PLS3: variants seen among roughly 807,000 people sequenced by gnomAD.
PLS3 encodes plastin-3.
In PLS3, 11 loss-of-function variants were observed where a neutral mutation model predicts 46.5. That is an observed-to-expected ratio of 0.24 (90% confidence interval 0.15 to 0.39). The LOEUF is 0.39. Ranked by LOEUF, PLS3 falls within the 10% of genes least tolerant of loss-of-function variation. The pLI is 1.00. For synonymous variants in PLS3, 167 were observed against 162.2 expected, an observed-to-expected ratio of 1.03 and a Z score of -0.22; for missense variants, 308 against 461.8, an observed-to-expected ratio of 0.67 and a Z score of 3.05.
intron 1 of PLS3, among the ~76,000 whole-genome samples, chrX:115,590,260 T>G (rs1556632921): frequency 9.0e-6 from 1 of 111,474 alleles, no homozygotes; most frequent in Non-Finnish European, 1.9e-5. Flanking sequence ...TTTGATGAAT[T>G]TGGGATGCAA....
chrX:115,597,835 A>G (rs1262108583), intron 1 of PLS3, among the ~76,000 whole-genome samples: 1 of 111,636 alleles, frequency 9.0e-6, no homozygotes, highest in Non-Finnish European at 1.9e-5. Flanking sequence ...AATACTGTCA[A>G]TTTTATTTGA....
At chrX:115,581,232 T>C (rs1324594666) in intron 1 of PLS3, among the ~76,000 whole-genome samples, 1 of 111,966 alleles carries the variant, frequency 8.9e-6, no homozygotes, top group Non-Finnish European at 1.9e-5. Flanking sequence ...TTAAGGAAAG[T>C]ATGGTTTACC....
intron 3 of PLS3, chrX:115,624,278 G>A (rs995989870): frequency 2.0e-4 from 20 of 99,585 alleles, no homozygotes; most frequent in African/African-American, 7.1e-4. Flanking sequence ...TAATTATAAT[G>A]ATATCGTTCC....
chrX:115,631,415 G>A (rs782764845), intron 5 of PLS3, among the ~76,000 whole-genome samples: 26 of 109,456 alleles, frequency 2.4e-4, no homozygotes, highest in African/African-American at 8.6e-4. Context: ...TTTGCAGTAG[G>A]GTCATTTTGG....
At chrX:115,596,095 G>A (rs1481023376) in intron 1 of PLS3, among the ~76,000 whole-genome samples, 1 of 111,988 alleles carries the variant, frequency 8.9e-6, no homozygotes, top group Middle Eastern at 4.2e-3. Context: ...AAATTCAAAG[G>A]ACAGGTCACA....
Position 115,594,091 on chromosome X carries a change from C to T in PLS3, c.-8-16152C>T, listed in dbSNP as rs781841451. ...GGTTGAGGTGGCTGTCATGACAGAA[C>T]ATGTCACGATTAGATTGATATTATA... On this transcript the variant is annotated intron_variant, in intron 1 of 15. Coordinates refer to ENST00000355899, the MANE Select transcript of PLS3 (RefSeq NM_005032.7). Among the ~76,000 whole-genome samples, 267 of 111,424 alleles carry T rather than the reference C, an allele frequency of 2.4e-3. 1 individual carries two copies. The highest frequency in any genetic ancestry group is 8.4e-3 in the African/African-American group (258 of 30,687).
At position 115,576,182 on chromosome X, in the gene PLS3, C is replaced by T. The variant is rs1441306204; in HGVS notation, c.-9+14922C>T. Among the ~76,000 whole-genome samples the T allele has an allele frequency of 3.6e-5, 4 of 112,101 alleles. No individual in the cohort carries two copies. The East Asian group carries it at 8.3e-4, about 23-fold the overall frequency. ...TTTTTAAGAAGACATTAGTGTTTTA[C>T]GTTTAGGTATTTTGACAGTAAGTTT... On this transcript the variant is annotated intron_variant, in intron 1 of 15. Transcript: ENST00000355899.
chrX:115,569,258 A>G, intron 1 of PLS3, among the ~76,000 whole-genome samples: 1 of 110,707 alleles, frequency 9.0e-6, no homozygotes, highest in Non-Finnish European at 1.9e-5. Flanking sequence ...GGAACTGTTA[A>G]TGGGGGAAGG....
At chrX:115,649,156 G>T (rs1248183330) in intron 15 of PLS3, among the ~76,000 whole-genome samples, 1 of 111,449 alleles carries the variant, frequency 9.0e-6, no homozygotes, top group African/African-American at 3.3e-5. Context: ...TATAAAGTTG[G>T]TGCTTCAAGC....
chrX:115,620,218 T>G (rs1349442882), intron 2 of PLS3, among the ~76,000 whole-genome samples: 1 of 110,158 alleles, frequency 9.1e-6, no homozygotes, highest in East Asian at 2.9e-4. Flanking sequence ...CCCGACCTTA[T>G]CTCTCATTTT....
At chrX:115,623,116 C>T (rs1288823541) in intron 3 of PLS3, among the ~76,000 whole-genome samples, 1 of 111,512 alleles carries the variant, frequency 9.0e-6, no homozygotes, top group African/African-American at 3.3e-5. Context: ...CCACTATTGG[C>T]TGCTAGCAAG....
intron 1 of PLS3, among the ~76,000 whole-genome samples, chrX:115,585,214 A>G (rs1438344090): frequency 3.6e-5 from 4 of 111,108 alleles, no homozygotes; most frequent in Non-Finnish European, 7.5e-5. Context: ...AGGATATGAA[A>G]AGCATGTTGC....
chrX:115,568,853 G>A (rs782740169), intron 1 of PLS3, among the ~76,000 whole-genome samples: 1 of 111,373 alleles, frequency 9.0e-6, no homozygotes, highest in East Asian at 2.8e-4. Context: ...GGCCAACATG[G>A]CAAAACTCCG....
At position 115,636,879 on chromosome X, in the gene PLS3, T is replaced by C; in HGVS notation, c.792T>C (p.Leu264=). The C allele has an allele frequency of 4.1e-6, 5 of 1,206,773 alleles. No homozygotes were observed. The highest frequency in any genetic ancestry group is 5.6e-6 in the Non-Finnish European group (5 of 891,728). ...GAGATGGTGAGACTTTGGAGGAACTTATGAAATTGTCTCCAGAAGAGCTTC... is the reference window on the plus strand; with the variant it reads ...GAGATGGTGAGACTTTGGAGGAACTCATGAAATTGTCTCCAGAAGAGCTTC... ...LLRDGETLEE[L]MKLSPEELLL... The change falls in exon 8 of 16, where the codon CTT becomes CTC. Residue 264 remains leucine (L), a synonymous_variant. Transcript: ENST00000355899.
intron 2 of PLS3, among the ~76,000 whole-genome samples, chrX:115,616,239 A>G (rs2074597617): frequency 8.9e-6 from 1 of 112,350 alleles, no homozygotes; most frequent in African/African-American, 3.2e-5. Flanking sequence ...AAATAAGGAC[A>G]TAGTCTTATG....
At position 115,622,274 on chromosome X, in the gene PLS3, C is replaced by G; in HGVS notation, c.102C>G (p.Asp34Glu). 1 of 1,198,215 alleles carries G rather than the reference C, an allele frequency of 8.3e-7. No individual in the cohort carries two copies. Among genetic ancestry groups the G allele is most frequent in the Non-Finnish European group, 1.1e-6 (1 of 887,159 alleles). ...TCAACAGCAACGGATTCATTTGTGA[C>G]TATGAACTTCATGAGCTCTTCAAGG... ...VDLNSNGFIC[D>E]YELHELFKEA... Residue 34 changes from aspartate to glutamate, a missense_variant, in exon 3 of 16, where the codon GAC (aspartate) becomes GAG (glutamate). Around this residue, in one of 2 missense-constraint regions of PLS3, gnomAD observed 37 missense variants for 26.1 expected, o/e 1.42. Transcript: ENST00000355899.
chrX:115,644,674 A>C lies in PLS3; in HGVS notation c.1184-347A>C, dbSNP rs984532343. 2.7e-5 allele frequency among the ~76,000 whole-genome samples: 3 copies of C among 111,470 alleles called. No individual in the cohort carries two copies. The Admixed American group carries it at 2.9e-4, about 11-fold the overall frequency. ...ATTGAGTGTCCACTGATATTTCTAT[A>C]AAACCAGTAACTTAACTGATAACAT... is the stretch of plus-strand genomic sequence containing the variant. On this transcript the variant is annotated intron_variant, in intron 10 of 15. Coordinates refer to ENST00000355899, the MANE Select transcript of PLS3 (RefSeq NM_005032.7).
intron 1 of PLS3, among the ~76,000 whole-genome samples, chrX:115,598,623 A>G (rs1451476796): frequency 3.6e-5 from 4 of 112,343 alleles, no homozygotes; most frequent in Admixed American, 2.8e-4. Flanking sequence ...TTGAAAGAAA[A>G]AATTTTTAAA....
intron 1 of PLS3, among the ~76,000 whole-genome samples, chrX:115,601,704 A>T (rs1409083219): frequency 8.1e-5 from 9 of 111,323 alleles, no homozygotes; most frequent in African/African-American, 2.9e-4. Flanking sequence ...AACAGATATG[A>T]CGGAAGAATC....
Sources: gnomAD v4.1 joint callset for allele counts (sites outside exome capture counted in the v4.1 genomes callset) on GRCh38, gnomAD v4.1.1 for gene constraint, gnomAD v4.1.1 regional missense constraint, MANE v1.5 for transcripts, NCBI Gene and HGNC (gene_info 2026-07-23, HGNC 2026-07-21) for gene names.